DCDC1: variants seen among roughly 807,000 people sequenced by gnomAD.
DCDC1 encodes the protein doublecortin domain containing 1, also known as doublecortin domain-containing protein 1.
A neutral mutation model predicts 178.3 loss-of-function variants in DCDC1; 200 were observed. The ratio of observed to expected loss-of-function variants is 1.12; its 90% confidence interval spans 1.00 to 1.26. The LOEUF is 1.26. Among genes scored for constraint, DCDC1 ranks in the 50% most tolerant of loss-of-function variants. The pLI is 0.00. For missense variants in DCDC1, 1,983 were observed against 1,749.2 expected, an observed-to-expected ratio of 1.13 and a Z score of -2.38; for synonymous variants, 690 against 604.8, an observed-to-expected ratio of 1.14 and a Z score of -2.07.
intron 9 of DCDC1, among the ~76,000 whole-genome samples, chr11:31,185,267 G>A (rs2136311393): frequency 6.6e-6 from 1 of 152,318 alleles, no homozygotes; most frequent in South Asian, 2.1e-4. Context: ...TGGGGGTTGG[G>A]AGGCTAAGGG....
rs536509228 is a variant in DCDC1, at chr11:30,988,198, G to C, written c.2592-35630C>G. ...GGAGAATAAATAGTAGAGAGCAAAA[G>C]TAGAAGCAGAAAGAGCAGTTAGGAA... On this transcript the variant is annotated intron_variant, in intron 20 of 38. Coordinates refer to ENST00000684477, the MANE Select transcript of DCDC1 (RefSeq NM_001387274.1). Among the ~76,000 whole-genome samples the C allele has an allele frequency of 7.2e-5, 11 of 152,276 alleles. No homozygotes were observed. In the East Asian group the frequency reaches 1.7e-3, roughly 24 times the overall value.
At chr11:30,932,085 G>T in intron 21 of DCDC1, 133 bp from the exon 22 acceptor site, 1 of 715,488 alleles carries the variant, frequency 1.4e-6, no homozygotes, top group Non-Finnish European at 2.0e-6. Flanking sequence ...GGGTACCTAA[G>T]ATGCTCCAGA....
chr11:30,890,728 A>G (rs959856386), intron 36 of DCDC1, among the ~76,000 whole-genome samples: 2 of 152,206 alleles, frequency 1.3e-5, no homozygotes, highest in Non-Finnish European at 2.9e-5. Flanking sequence ...TCTTTTTTCT[A>G]TATCTGTGCA....
At chr11:31,133,641 G>A (rs1331550135) in intron 10 of DCDC1, among the ~76,000 whole-genome samples, 1 of 152,204 alleles carries the variant, frequency 6.6e-6, no homozygotes, top group Middle Eastern at 3.2e-3. Context: ...GAAATCTGAA[G>A]TGCGTAGCAC....
intron 6 of DCDC1, among the ~76,000 whole-genome samples, chr11:31,292,682 A>C (rs1018296811): frequency 2.0e-5 from 3 of 152,132 alleles, no homozygotes; most frequent in African/African-American, 7.2e-5. Context: ...TTTTGGAACT[A>C]GATAGAGATG....
intron 7 of DCDC1, among the ~76,000 whole-genome samples, chr11:31,269,529 GTGT>G (rs1304217484): frequency 6.6e-6 from 1 of 151,880 alleles, no homozygotes; most frequent in Non-Finnish European, 1.5e-5. Context: ...GAGACAACAG[GTGT>G]ACCATATGAC....
intron 9 of DCDC1, among the ~76,000 whole-genome samples, chr11:31,221,701 A>C (rs938039750): frequency 1.3e-5 from 2 of 152,236 alleles, no homozygotes; most frequent in African/African-American, 4.8e-5. Flanking sequence ...AATTAAGTTT[A>C]TGAATCACAC....
chr11:31,068,794 G>C (rs2135509652), intron 18 of DCDC1, among the ~76,000 whole-genome samples: 2 of 151,652 alleles, frequency 1.3e-5, no homozygotes, highest in Middle Eastern at 7.0e-3. Context: ...TGCTATTAGT[G>C]AATAACTCTG....
chr11:31,133,915 C>A (rs574226842), intron 10 of DCDC1, among the ~76,000 whole-genome samples: 3 of 152,168 alleles, frequency 2.0e-5, no homozygotes, highest in Non-Finnish European at 4.4e-5. Flanking sequence ...GTTGGCCAGG[C>A]TGGTCTCGAA....
At chr11:31,238,087 G>T (rs1976666135) in intron 9 of DCDC1, among the ~76,000 whole-genome samples, 1 of 150,972 alleles carries the variant, frequency 6.6e-6, no homozygotes, top group African/African-American at 2.4e-5. Context: ...TTCAAAAATT[G>T]TATTTAAAAA....
chr11:31,050,932 C>A (rs1452193333), intron 20 of DCDC1, among the ~76,000 whole-genome samples: 1 of 152,072 alleles, frequency 6.6e-6, no homozygotes, highest in Non-Finnish European at 1.5e-5. Context: ...CTCTTCAACA[C>A]CCCCAAAAAA....
At chr11:31,353,016 T>C (rs1018442350) in intron 1 of DCDC1, among the ~76,000 whole-genome samples, 1 of 152,222 alleles carries the variant, frequency 6.6e-6, no homozygotes, top group Non-Finnish European at 1.5e-5. Flanking sequence ...ATAACACATA[T>C]ACAAGTGTGC....
chr11:31,250,421 C>CATATATATATACATAT lies in DCDC1; in HGVS notation c.1055-8806_1055-8805insATATGTATATATATAT. ...ACACACACACACACACACACATATA[C>CATATATATATACATAT]ATATATATGTATATATATATATATC... On this transcript the variant is annotated intron_variant, in intron 8 of 38. Coordinates refer to ENST00000684477, the MANE Select transcript of DCDC1 (RefSeq NM_001387274.1). Among the ~76,000 whole-genome samples the CATATATATATACATAT allele has an allele frequency of 1.1e-4, 6 of 52,868 alleles. No individual in the cohort carries two copies. The Admixed American group carries it at 1.1e-3, about 10-fold the overall frequency. The allele number at this position is 52,868 out of a possible 152,430, so 34.7% of individuals were successfully genotyped here. A position where few individuals can be genotyped will look rare whatever the true frequency, so the allele number is the denominator to read the frequency against.
At chr11:31,181,716 A>G (rs1968825549) in intron 9 of DCDC1, among the ~76,000 whole-genome samples, 1 of 152,214 alleles carries the variant, frequency 6.6e-6, no homozygotes, top group Non-Finnish European at 1.5e-5. Flanking sequence ...CCCTAAGGTC[A>G]CCAGCATCAA....
chr11:31,272,870 C>A (rs558690764), intron 7 of DCDC1, among the ~76,000 whole-genome samples: 1 of 152,158 alleles, frequency 6.6e-6, no homozygotes, highest in African/African-American at 2.4e-5. Flanking sequence ...GGATGGTGGT[C>A]CTCTTCTTAC....
intron 21 of DCDC1, among the ~76,000 whole-genome samples, chr11:30,952,028 A>G (rs1369965091): frequency 1.3e-5 from 2 of 152,166 alleles, no homozygotes; most frequent in African/African-American, 2.4e-5. Context: ...ACAGAAAGGA[A>G]AGGGTGGAAA....
At position 31,221,783 on chromosome 11, in the gene DCDC1, T is replaced by A. The variant is rs1403604697; in HGVS notation, c.1221+19667A>T. 1.3e-5 allele frequency among the ~76,000 whole-genome samples: 2 copies of A among 152,214 alleles called. 1 individual carries two copies. The highest frequency in any genetic ancestry group is 4.1e-4 in the South Asian group (2 of 4,832). ...CTCTTTAGAACAAGCTTCCTCATTT[T>A]TTGCAATATGGATAGGCTAAGAATT... On this transcript the variant is annotated intron_variant, in intron 9 of 38. Coordinates refer to ENST00000684477, the MANE Select transcript of DCDC1 (RefSeq NM_001387274.1).
intron 20 of DCDC1, among the ~76,000 whole-genome samples, chr11:31,038,082 G>T (rs1176141286): frequency 8.0e-6 from 1 of 124,458 alleles, no homozygotes; most frequent in African/African-American, 3.0e-5. Context: ...TGTTGGGGGA[G>T]GGGGGAGGGA....
At chr11:31,107,136 A>G (rs186982863) in intron 12 of DCDC1, among the ~76,000 whole-genome samples, 176 bp from the exon 13 acceptor site, 105 of 152,350 alleles carry the variant, frequency 6.9e-4, no homozygotes, top group African/African-American at 2.3e-3. Context: ...CTCAGTGTAA[A>G]GTAACAAAAT....
Sources: allele counts gnomAD v4.1 joint callset (sites outside exome capture counted in the v4.1 genomes callset), GRCh38; gene constraint gnomAD v4.1.1; transcripts MANE v1.5; gene names NCBI Gene and HGNC (gene_info 2026-07-23, HGNC 2026-07-21).